Variants in RBFOX1 observed in about 807,000 individuals in gnomAD.
RBFOX1 encodes the protein RNA binding fox-1 homolog 1.
In RBFOX1, 8 loss-of-function variants were observed where a neutral mutation model predicts 57.7. The observed-to-expected ratio is 0.14, with a 90% CI of 0.08 to 0.25. The LOEUF (loss-of-function observed/expected upper bound fraction) is 0.25. Among genes scored for constraint, RBFOX1 ranks in the 10% least tolerant of loss-of-function variants. The pLI, the probability that RBFOX1 is intolerant of heterozygous loss-of-function variation, is 1.00. For synonymous variants in RBFOX1, 326 were observed against 222.4 expected, an observed-to-expected ratio of 1.47 and a Z score of -4.15; for missense variants, 611 against 548.5, an observed-to-expected ratio of 1.11 and a Z score of -1.14.
chr16:7,067,858 C>T (rs887265018), intron 4 of RBFOX1, among the ~76,000 whole-genome samples: 1 of 151,644 alleles, frequency 6.6e-6, no homozygotes, highest in African/African-American at 2.4e-5. Context: ...CTACAAAGGA[C>T]ATGAACTCAT....
At chr16:6,780,221 A>ATATATATATTTATATATATT (rs2080556769) in intron 3 of RBFOX1, among the ~76,000 whole-genome samples, 1 of 72,044 alleles carries the variant, frequency 1.4e-5, no homozygotes, top group Non-Finnish European at 2.2e-5. Context: ...ATATATATTT[A>ATATATATATTTATATATATT]TATATATATT....
intron 3 of RBFOX1, among the ~76,000 whole-genome samples, chr16:6,983,921 A>G (rs556523331): frequency 6.6e-6 from 1 of 152,286 alleles, no homozygotes; most frequent in South Asian, 2.1e-4. Flanking sequence ...AATGTGTCAT[A>G]AGAGCACAGT....
intron 4 of RBFOX1, among the ~76,000 whole-genome samples, chr16:7,513,259 G>T (rs996324150): frequency 3.3e-5 from 3 of 92,156 alleles, no homozygotes; most frequent in Non-Finnish European, 6.8e-5. Flanking sequence ...GCAAAACTCT[G>T]TGTCAAAAAA....
At chr16:6,870,121 A>T (rs1299665885) in intron 3 of RBFOX1, among the ~76,000 whole-genome samples, 1 of 152,272 alleles carries the variant, frequency 6.6e-6, no homozygotes, top group Non-Finnish European at 1.5e-5. Context: ...GATTTTTTGC[A>T]TAAGGCTCTT....
intron 3 of RBFOX1, among the ~76,000 whole-genome samples, chr16:6,944,592 G>C (rs1169615333): frequency 6.6e-6 from 1 of 152,048 alleles, no homozygotes; most frequent in East Asian, 1.9e-4. Flanking sequence ...ACTGGGTCTC[G>C]TAGATCTCAG....
At chr16:6,700,336 G>C (rs1461545043) in intron 3 of RBFOX1, among the ~76,000 whole-genome samples, 1 of 145,146 alleles carries the variant, frequency 6.9e-6, no homozygotes, top group African/African-American at 2.5e-5. Flanking sequence ...TAAAACATCA[G>C]CACCATAGGC....
chr16:6,935,113 A>G (rs932567664), intron 3 of RBFOX1, among the ~76,000 whole-genome samples: 1 of 152,100 alleles, frequency 6.6e-6, no homozygotes, highest in Admixed American at 6.6e-5. Flanking sequence ...AAAAAGAAAA[A>G]ACAGCTTATT....
At chr16:5,919,774 C>T (rs1382688449) in intron 4 of RBFOX1, among the ~76,000 whole-genome samples, 1 of 152,186 alleles carries the variant, frequency 6.6e-6, no homozygotes, top group African/African-American at 2.4e-5. Context: ...AGTGACTCTG[C>T]ATTCCCCTTC....
At chr16:7,698,789 C>G (rs74447917) in intron 14 of RBFOX1, among the ~76,000 whole-genome samples, 1 of 152,198 alleles carries the variant, frequency 6.6e-6, no homozygotes, top group South Asian at 2.1e-4. Flanking sequence ...AGCAAAGGAA[C>G]TTAGGAAACA....
intron 3 of RBFOX1, among the ~76,000 whole-genome samples, chr16:6,902,859 T>C (rs2068822394): frequency 6.6e-6 from 1 of 152,212 alleles, no homozygotes; most frequent in Admixed American, 6.5e-5. Flanking sequence ...TATTTATTTA[T>C]AGATTGTTTC....
At chr16:5,278,772 G>A (rs1272300166) in intron 1 of RBFOX1, among the ~76,000 whole-genome samples, 6 of 152,204 alleles carry the variant, frequency 3.9e-5, no homozygotes, top group Non-Finnish European at 8.8e-5. Flanking sequence ...TGTAAGTGAT[G>A]AGAGATAAGG....
rs369698520 is a variant in RBFOX1, at chr16:7,417,372, C to CAAAAAAAA, written c.28-100772_28-100771insAAAAAAAA. Among the ~76,000 whole-genome samples, 316 of 122,600 alleles carry CAAAAAAAA rather than the reference C, an allele frequency of 2.6e-3. 9 individuals carry two copies. The highest frequency in any genetic ancestry group is 9.4e-3 in the African/African-American group (299 of 31,676). The allele number at this position is 122,600 out of a possible 152,430, so 80.4% of individuals were successfully genotyped here. ...TGGGCAACAGAGCGAGACTCTGTGT[C>CAAAAAAAA]AAAGAAAAAAAAAAAAAAGAGATGA... On this transcript the variant is annotated intron_variant, in intron 4 of 15. Coordinates refer to ENST00000550418, the MANE Select transcript of RBFOX1 (RefSeq NM_018723.4).
chr16:5,856,151 T>TTCTCTCTCTCTCTCTC (rs35841072), intron 3 of RBFOX1, among the ~76,000 whole-genome samples: 1 of 40,424 alleles, frequency 2.5e-5, no homozygotes, highest in Non-Finnish European at 4.4e-5. Flanking sequence ...GTCTTTATGG[T>TTCTCTCTCTCTCTCTC]TCTCTCTCTC....
chr16:5,490,028 C>T (rs2042774462), intron 2 of RBFOX1, among the ~76,000 whole-genome samples: 1 of 152,246 alleles, frequency 6.6e-6, no homozygotes, highest in Non-Finnish European at 1.5e-5. Context: ...CTGACCTCGG[C>T]CACTGTTAGA....
chr16:5,254,881 G>T lies in RBFOX1; in HGVS notation c.219+14776G>T, dbSNP rs9928707. ...AGGTCATGTGTAGGTGGAGCGAAGAGGGTGAGCCTTTTGGGGTGAACTGCA... is the reference window on the plus strand; with the variant it reads ...AGGTCATGTGTAGGTGGAGCGAAGATGGTGAGCCTTTTGGGGTGAACTGCA... On this transcript the variant is annotated intron_variant, in intron 1 of 2. Coordinates refer to the RBFOX1 transcript ENST00000585867. Among the ~76,000 whole-genome samples, 3 of 152,298 alleles carry T rather than the reference G, an allele frequency of 2.0e-5. No individual in the cohort carries two copies. In the South Asian group the frequency reaches 6.2e-4, roughly 32 times the overall value.
Position 5,510,247 on chromosome 16 carries a change from C to T in RBFOX1, c.258+42993C>T, listed in dbSNP as rs77577936. The stretch of plus-strand genomic sequence containing the variant: ...CCCAGACCTCAGTGGCTTCAGCAGC[C>T]GTCACTTATTGTCACAGGTGCAGCT... On this transcript the variant is annotated intron_variant, in intron 2 of 2. Coordinates refer to the RBFOX1 transcript ENST00000585867. 8.7e-3 allele frequency among the ~76,000 whole-genome samples: 1,331 copies of T among 152,270 alleles called. 9 individuals are homozygous for T. Among genetic ancestry groups the T allele is most frequent in the Middle Eastern group, 0.031 (9 of 294 alleles).
intron 1 of RBFOX1, among the ~76,000 whole-genome samples, chr16:6,248,115 TAGG>T (rs1482589182): frequency 6.6e-6 from 1 of 152,274 alleles, no homozygotes; most frequent in African/African-American, 2.4e-5. Context: ...CCTTCCATAA[TAGG>T]AGCCAGTGTA....
At chr16:6,823,376 C>G (rs979063607) in intron 3 of RBFOX1, among the ~76,000 whole-genome samples, 3 of 152,018 alleles carry the variant, frequency 2.0e-5, no homozygotes, top group Non-Finnish European at 4.4e-5. Flanking sequence ...CCTGCCTCAG[C>G]CTCCCAAGTA....
chr16:5,278,475 G>A (rs145211476), intron 1 of RBFOX1, among the ~76,000 whole-genome samples: 6,671 of 152,210 alleles, frequency 0.044, 205 homozygotes, highest in Non-Finnish European at 0.068. Flanking sequence ...GTCTTCCAGC[G>A]TTTTTATAGT....
Sources: allele counts gnomAD v4.1 joint callset (sites outside exome capture counted in the v4.1 genomes callset), GRCh38; gene constraint gnomAD v4.1.1; transcripts MANE v1.5; gene names NCBI Gene and HGNC (gene_info 2026-07-23, HGNC 2026-07-21).